The following PRKN variants were observed in gnomAD, a reference collection of about 807,000 sequenced individuals.
PRKN encodes parkin RBR E3 ubiquitin protein ligase.
A neutral mutation model predicts 59.5 loss-of-function variants in PRKN; 56 were observed. That is an observed-to-expected ratio of 0.94 (90% CI 0.76 to 1.18). The LOEUF (loss-of-function observed/expected upper bound fraction) is 1.18. Among genes scored for constraint, PRKN ranks in the 50% most tolerant of loss-of-function variants. PRKN has a pLI of 0.00. For missense variants in PRKN, 657 were observed against 596.4 expected (o/e 1.10, Z -1.06); for synonymous variants, 250 against 222.1 (o/e 1.13, Z -1.12).
At chr6:162,152,939 A>G (rs2128314117) in intron 4 of PRKN, among the ~76,000 whole-genome samples, 1 of 152,326 alleles carries the variant, frequency 6.6e-6, no homozygotes, top group South Asian at 2.1e-4. Context: ...TGTGTTCCAC[A>G]AAAAAGCAGT....
chr6:162,424,501 C>T (rs981991101), intron 2 of PRKN, among the ~76,000 whole-genome samples: 2 of 151,786 alleles, frequency 1.3e-5, no homozygotes, highest in East Asian at 1.9e-4. Context: ...TTTGGGAGGC[C>T]GAGGCAGGTG....
chr6:161,841,257 A>G (rs75052498), intron 6 of PRKN, among the ~76,000 whole-genome samples: 1,808 of 152,264 alleles, frequency 0.012, 35 homozygotes, highest in East Asian at 0.076. Context: ...GGGAATGAGC[A>G]TATCTCCTAA....
At chr6:162,574,100 A>G (rs2155508) in intron 1 of PRKN, among the ~76,000 whole-genome samples, 80,671 of 151,980 alleles carry the variant, frequency 0.53, 21,716 homozygotes, top group East Asian at 0.71. Context: ...ATGGTCTGGC[A>G]TCATCTCAAC....
chr6:161,735,241 T>C (rs1306589503), intron 7 of PRKN, among the ~76,000 whole-genome samples: 1 of 152,020 alleles, frequency 6.6e-6, no homozygotes, highest in Non-Finnish European at 1.5e-5. Context: ...TGGATTTTCT[T>C]CCACCTCTGC....
rs1582994573 is a variant in PRKN, at chr6:161,378,533, T to A, written c.1167+8261A>T. On this transcript the variant is annotated intron_variant, in intron 10 of 11. Coordinates refer to ENST00000366898, the MANE Select transcript of PRKN (RefSeq NM_004562.3). The surrounding 1 kb of genome is among the most constrained non-coding windows in gnomAD (Gnocchi z 7.3). ...ACACTCCATCTTGACAGGAAGTGACTCCTTTTCTGGGTGTGGGTTTGCCTT... is the reference window on the plus strand; with the variant it reads ...ACACTCCATCTTGACAGGAAGTGACACCTTTTCTGGGTGTGGGTTTGCCTT... Among the ~76,000 whole-genome samples the A allele has an allele frequency of 2.0e-5, 3 of 152,244 alleles. 1 individual carries two copies. In the South Asian group the frequency reaches 6.2e-4, roughly 32 times the overall value.
chr6:161,492,839 C>T (rs117145050), intron 9 of PRKN, among the ~76,000 whole-genome samples: 491 of 152,262 alleles, frequency 3.2e-3, no homozygotes, highest in Non-Finnish European at 5.3e-3. Flanking sequence ...ACGTGGTGTT[C>T]CCAGTGGATC....
intron 1 of PRKN, among the ~76,000 whole-genome samples, chr6:162,546,856 A>C (rs1194538994): frequency 1.3e-5 from 2 of 152,114 alleles, no homozygotes; most frequent in East Asian, 3.9e-4. Flanking sequence ...CCACCACCAA[A>C]CAACCAAGGC....
rs1311620859 is a variant in PRKN, at chr6:162,393,186, G to T, written c.171+50124C>A. ...TTTTTTTTTTTTTTTTTGAGACAGA[G>T]TCTCGCTCTGTTGCCCAGGCTGGAG... On this transcript the variant is annotated intron_variant, in intron 2 of 11. Transcript: ENST00000366898. Among the ~76,000 whole-genome samples the T allele has an allele frequency of 6.3e-5, 4 of 63,864 alleles. No homozygotes were observed. In the East Asian group the frequency reaches 4.8e-3, roughly 77 times the overall value. The allele number at this position is 63,864 out of a possible 152,430, so 41.9% of individuals were successfully genotyped here. A position where few individuals can be genotyped will look rare whatever the true frequency, so the allele number is the denominator to read the frequency against.
chr6:161,952,481 T>C (rs895856048), intron 6 of PRKN, among the ~76,000 whole-genome samples: 1 of 151,994 alleles, frequency 6.6e-6, no homozygotes, highest in Non-Finnish European at 1.5e-5. Flanking sequence ...TAGCTGGGGA[T>C]GGTGGCGCAC....
chr6:161,729,174 T>C (rs1431595937), intron 7 of PRKN, among the ~76,000 whole-genome samples: 10 of 152,244 alleles, frequency 6.6e-5, no homozygotes, highest in Non-Finnish European at 2.9e-5. Flanking sequence ...GTATCACTGC[T>C]CTTTAATGAA....
At chr6:162,404,366 T>TA (rs1428356700) in intron 2 of PRKN, among the ~76,000 whole-genome samples, 1 of 125,140 alleles carries the variant, frequency 8.0e-6, no homozygotes, top group African/African-American at 3.4e-5. Context: ...TGAGACTCTG[T>TA]CAGAAAAAAA....
At chr6:162,380,967 G>C (rs1050384748) in intron 2 of PRKN, among the ~76,000 whole-genome samples, 1 of 152,114 alleles carries the variant, frequency 6.6e-6, no homozygotes, top group African/African-American at 2.4e-5. Flanking sequence ...AGTGGCCGCC[G>C]TGGTCCAGAT....
chr6:161,384,147 T>C (rs1786125332), intron 10 of PRKN, among the ~76,000 whole-genome samples: 1 of 152,204 alleles, frequency 6.6e-6, no homozygotes, highest in Non-Finnish European at 1.5e-5. Flanking sequence ...GTGGCATCTA[T>C]TGAAGCCGTA....
intron 6 of PRKN, among the ~76,000 whole-genome samples, chr6:161,907,440 C>T (rs899200606): frequency 2.0e-5 from 3 of 152,184 alleles, no homozygotes; most frequent in African/African-American, 7.2e-5. Flanking sequence ...ACTTGCAAAT[C>T]TCTTCATTTT....
chr6:161,925,440 G>A (rs1240377053), intron 6 of PRKN, among the ~76,000 whole-genome samples: 3 of 152,056 alleles, frequency 2.0e-5, no homozygotes, highest in East Asian at 1.9e-4. Flanking sequence ...GTGTGGTGGC[G>A]GGCGCCTGTG....
At chr6:162,021,732 AGTTTT>A (rs1783210927) in intron 5 of PRKN, among the ~76,000 whole-genome samples, 1 of 152,010 alleles carries the variant, frequency 6.6e-6, no homozygotes, top group South Asian at 2.1e-4. Flanking sequence ...GTACATGTGC[AGTTTT>A]GTACATGGGT....
chr6:162,242,526 T>C (rs1287923597), intron 3 of PRKN, among the ~76,000 whole-genome samples: 1 of 152,170 alleles, frequency 6.6e-6, no homozygotes, highest in Non-Finnish European at 1.5e-5. Context: ...TGGGAATACA[T>C]ACACAAAGAG....
chr6:162,554,432 G>A (rs1043900748), intron 1 of PRKN, among the ~76,000 whole-genome samples: 1 of 152,152 alleles, frequency 6.6e-6, no homozygotes, highest in Non-Finnish European at 1.5e-5. Flanking sequence ...AACTCGGGAG[G>A]CAGAGTTTGC....
chr6:162,493,479 GACTATAAGGT>G (rs1792913848), intron 1 of PRKN, among the ~76,000 whole-genome samples: 1 of 152,088 alleles, frequency 6.6e-6, no homozygotes, highest in Non-Finnish European at 1.5e-5. Context: ...GTTATCAGGT[GACTATAAGGT>G]ACTCAGAGAA....
Sources: allele counts gnomAD v4.1 joint callset (sites outside exome capture counted in the v4.1 genomes callset), GRCh38; gene constraint gnomAD v4.1.1; non-coding constraint Gnocchi (gnomAD v3.1); transcripts MANE v1.5; gene names NCBI Gene and HGNC (gene_info 2026-07-23, HGNC 2026-07-21).